Variants in VAV3 observed in about 807,000 individuals in gnomAD.
VAV3 encodes vav guanine nucleotide exchange factor 3.
A neutral mutation model predicts 131.2 loss-of-function variants in VAV3; 94 were observed. The observed-to-expected ratio is 0.72, with a 90% CI of 0.61 to 0.85. VAV3 has a LOEUF of 0.85. VAV3 is among the 40% of genes least tolerant of loss of function. The pLI is 0.00. For missense variants in VAV3, 939 were observed against 1,002.7 expected (o/e 0.94, Z 0.86); for synonymous variants, 349 against 342.0 (o/e 1.02, Z -0.22).
At chr1:107,793,990 A>C (rs989155352) in intron 2 of VAV3, among the ~76,000 whole-genome samples, 11 of 152,264 alleles carry the variant, frequency 7.2e-5, no homozygotes, top group Non-Finnish European at 1.3e-4. Context: ...AAACTTTAGA[A>C]AATCTGATCT....
intron 25 of VAV3, among the ~76,000 whole-genome samples, chr1:107,592,788 C>A (rs141004587): frequency 6.6e-6 from 1 of 152,202 alleles, no homozygotes; most frequent in African/African-American, 2.4e-5. Flanking sequence ...CTCTGGCAGA[C>A]CTCAAAATAA....
At chr1:107,853,861 C>A (rs984892568) in intron 2 of VAV3, among the ~76,000 whole-genome samples, 3 of 152,150 alleles carry the variant, frequency 2.0e-5, no homozygotes, top group African/African-American at 7.2e-5. Flanking sequence ...ATTCCACAGA[C>A]AACTTATTTA....
chr1:107,905,552 A>T (rs367856281), intron 1 of VAV3, among the ~76,000 whole-genome samples: 1 of 152,178 alleles, frequency 6.6e-6, no homozygotes, highest in East Asian at 1.9e-4. Flanking sequence ...AATCTAGAAT[A>T]CTTTTTATGA....
chr1:107,794,491 C>CT (rs1417974202), intron 2 of VAV3, among the ~76,000 whole-genome samples: 2 of 152,146 alleles, frequency 1.3e-5, no homozygotes, highest in Non-Finnish European at 2.9e-5. Flanking sequence ...AAGAAGAAAG[C>CT]TTAAGAATGA....
intron 2 of VAV3, among the ~76,000 whole-genome samples, chr1:107,824,428 G>A (rs1667926477): frequency 6.6e-6 from 1 of 152,128 alleles, no homozygotes; most frequent in South Asian, 2.1e-4. Flanking sequence ...CCATACGGAG[G>A]TTCAAATGGA....
intron 24 of VAV3, among the ~76,000 whole-genome samples, chr1:107,601,641 A>T (rs1022774667): frequency 3.9e-5 from 6 of 152,222 alleles, no homozygotes; most frequent in African/African-American, 1.2e-4. Context: ...AACTTGAGAA[A>T]CATACTTGAG....
chr1:107,960,790 A>G (rs928938037), intron 1 of VAV3, among the ~76,000 whole-genome samples: 3 of 152,144 alleles, frequency 2.0e-5, no homozygotes, highest in African/African-American at 7.2e-5. Context: ...CACTCGCTTC[A>G]GGTCCCACCT....
rs1553201249 is a variant in VAV3, at chr1:107,753,513, C to CAT, written c.1173+1912_1173+1913dup. Among the ~76,000 whole-genome samples the CAT allele has an allele frequency of 1.5e-4, 12 of 80,638 alleles. 1 individual carries two copies. In the East Asian group the frequency reaches 1.9e-3, roughly 13 times the overall value. 52.9% of individuals were successfully genotyped at this position (80,638 alleles called of 152,430 possible). A position where few individuals can be genotyped will look rare whatever the true frequency, so the allele number is the denominator to read the frequency against. ...ATATATACACACATATATATACACACATATATATATATACGTATATATATA... is the reference window on the plus strand; with the variant it reads ...ATATATACACACATATATATACACACATATATATATATATACGTATATATATA... On this transcript the variant is annotated intron_variant, in intron 12 of 26. Coordinates refer to ENST00000370056, the MANE Select transcript of VAV3 (RefSeq NM_006113.5).
chr1:107,778,341 AAGG>A (rs1442377557), intron 3 of VAV3, among the ~76,000 whole-genome samples: 1 of 152,200 alleles, frequency 6.6e-6, no homozygotes, highest in Non-Finnish European at 1.5e-5. Context: ...ATGAGAAAAA[AAGG>A]AGAAAAATTT....
intron 25 of VAV3, among the ~76,000 whole-genome samples, chr1:107,593,172 T>C (rs1197669499): frequency 6.6e-6 from 1 of 152,180 alleles, no homozygotes; most frequent in Non-Finnish European, 1.5e-5. Context: ...CCCAATACTT[T>C]GGACACTTGC....
chr1:107,663,304 T>G (rs1490799137), intron 19 of VAV3, among the ~76,000 whole-genome samples: 1 of 152,176 alleles, frequency 6.6e-6, no homozygotes, highest in African/African-American at 2.4e-5. Flanking sequence ...TTAAAATAAC[T>G]TTATAATGAA....
chr1:107,900,458 T>C (rs567108474), intron 1 of VAV3, among the ~76,000 whole-genome samples: 163 of 152,328 alleles, frequency 1.1e-3, no homozygotes, highest in Non-Finnish European at 1.1e-3. Context: ...ACATGAGAAG[T>C]TTCTCTTCCA....
intron 20 of VAV3, among the ~76,000 whole-genome samples, chr1:107,636,342 T>C (rs1182181898): frequency 6.6e-6 from 1 of 152,168 alleles, no homozygotes; most frequent in Non-Finnish European, 1.5e-5. Flanking sequence ...AATCCCTAAA[T>C]ATTTCAAAGC....
At chr1:107,718,395 C>CGCAAAA (rs1661256254) in intron 15 of VAV3, among the ~76,000 whole-genome samples, 1 of 152,124 alleles carries the variant, frequency 6.6e-6, no homozygotes, top group Admixed American at 6.6e-5. Flanking sequence ...AAATCACAAG[C>CGCAAAA]ATTCCTATAC....
At chr1:107,683,033 A>T (rs974835086) in intron 19 of VAV3, among the ~76,000 whole-genome samples, 2 of 152,220 alleles carry the variant, frequency 1.3e-5, no homozygotes, top group African/African-American at 2.4e-5. Context: ...TCCCCAAAAA[A>T]CATGCTGCTA....
chr1:107,964,583 G>A (rs1384890337), intron 1 of VAV3, 83 bp downstream of exon 1: 2 of 1,458,982 alleles, frequency 1.4e-6, no homozygotes, highest in Admixed American at 2.1e-5. Context: ...GCACCTAGAC[G>A]TTTGCATTTA....
intron 19 of VAV3, among the ~76,000 whole-genome samples, chr1:107,650,714 C>G (rs1388142766): frequency 8.7e-6 from 1 of 114,952 alleles, no homozygotes; most frequent in African/African-American, 3.2e-5. Flanking sequence ...CCCCCCCCTC[C>G]CCCCACCCCA....
intron 2 of VAV3, among the ~76,000 whole-genome samples, chr1:107,826,383 A>G (rs1668015008): frequency 6.6e-6 from 1 of 152,160 alleles, no homozygotes; most frequent in Non-Finnish European, 1.5e-5. Flanking sequence ...TCTTTACCTC[A>G]TTGCTTACTA....
intron 1 of VAV3, among the ~76,000 whole-genome samples, chr1:107,946,380 T>C (rs345284): frequency 0.95 from 144,621 of 152,290 alleles, 69,085 homozygotes; most frequent in East Asian, 1. Context: ...ATTTCACAAA[T>C]AAGTGACTGA....
Sources: gnomAD v4.1 joint callset for allele counts (sites outside exome capture counted in the v4.1 genomes callset) on GRCh38, gnomAD v4.1.1 for gene constraint, MANE v1.5 for transcripts, NCBI Gene and HGNC (gene_info 2026-07-23, HGNC 2026-07-21) for gene names.